Variants in SLX4IP observed in about 807,000 individuals in gnomAD.
The protein encoded by SLX4IP is SLX4 interacting protein, also known as protein SLX4IP.
In SLX4IP, 34 loss-of-function variants were observed where a neutral mutation model predicts 32.9. That is an observed-to-expected ratio of 1.03 (90% confidence interval 0.79 to 1.38). The LOEUF (loss-of-function observed/expected upper bound fraction) is 1.38. Among genes scored for constraint, SLX4IP ranks in the 40% most tolerant of loss-of-function variants. SLX4IP has a pLI of 0.00. For synonymous variants in SLX4IP, 172 were observed against 171.7 expected (o/e 1.00, Z -0.01); for missense variants, 444 against 479.0 (o/e 0.93, Z 0.68).
Position 10,623,102 on chromosome 20 carries a change from G to A in SLX4IP, c.950G>A (p.Arg317Gln), listed in dbSNP as rs6077853. 231,945 of 1,614,090 alleles carry A rather than the reference G, an allele frequency of 0.14. 18,477 individuals are homozygous for A. Among genetic ancestry groups the A allele is most frequent in the Non-Finnish European group, 0.16 (192,801 of 1,179,992 alleles). ...HHGRVSLGSD[R>Q]LVPREIIVEK... The stretch of plus-strand genomic sequence containing the variant: ...GGGAGAGTTTCTCTTGGAAGTGATC[G>A]ATTAGTCCCGAGAGAAATAATAGTG... Residue 317 changes from arginine to glutamine, a missense_variant, in exon 8 of 8, where the codon CGA becomes CAA. Coordinates refer to ENST00000334534, the MANE Select transcript of SLX4IP (RefSeq NM_001009608.3).
intron 2 of SLX4IP, among the ~76,000 whole-genome samples, chr20:10,536,978 T>C (rs938330647): frequency 3.3e-5 from 5 of 152,220 alleles, no homozygotes; most frequent in Admixed American, 6.5e-5. Context: ...CTAACACATG[T>C]GTGAATTTGC....
intron 1 of SLX4IP, among the ~76,000 whole-genome samples, chr20:10,454,334 C>T (rs1047626257): frequency 6.6e-6 from 1 of 152,142 alleles, no homozygotes; most frequent in Non-Finnish European, 1.5e-5. Flanking sequence ...TTAGGTTAGT[C>T]CAATTCTCTG....
intron 4 of SLX4IP, among the ~76,000 whole-genome samples, chr20:10,575,447 G>C (rs1256476893): frequency 6.6e-6 from 1 of 152,076 alleles, no homozygotes; most frequent in Non-Finnish European, 1.5e-5. Flanking sequence ...CCCCTACAAG[G>C]CTGTACTTTC....
rs193118823 is a variant in SLX4IP at position 10,601,930 on chromosome 20, A to T, written c.405+111A>T. The T allele has an allele frequency of 3.4e-6, 3 of 885,136 alleles. No individual in the cohort carries two copies. The African/African-American group carries it at 5.0e-5, about 15-fold the overall frequency. 54.8% of individuals were successfully genotyped at this position (885,136 alleles called of 1,614,324 possible). A position where few individuals can be genotyped will look rare whatever the true frequency, so the allele number is the denominator to read the frequency against. On this transcript the variant is annotated intron_variant, in intron 6 of 7. Coordinates refer to ENST00000334534, the MANE Select transcript of SLX4IP (RefSeq NM_001009608.3). ...TTGTCATTCAGCTGATGAGCACCCAACGCATGTTTTAAGGGAACAAGAAGC... is the reference window on the plus strand; with the variant it reads ...TTGTCATTCAGCTGATGAGCACCCATCGCATGTTTTAAGGGAACAAGAAGC...
Position 10,452,680 on chromosome 20 carries a change from A to AAAATAT in SLX4IP, c.-29-5495_-29-5494insAATATA, listed in dbSNP as rs1326662021. ...AAACTGTCTCAAAAAAAAAAAAAAA[A>AAAATAT]ATATATATATATATATGTAAATTAG... is the stretch of plus-strand genomic sequence containing the variant. On this transcript the variant is annotated intron_variant, in intron 1 of 7. Coordinates refer to ENST00000334534, the MANE Select transcript of SLX4IP (RefSeq NM_001009608.3). Among the ~76,000 whole-genome samples the AAAATAT allele has an allele frequency of 2.7e-5, 3 of 109,518 alleles. No individual in the cohort carries two copies. The Admixed American group carries it at 3.1e-4, about 11-fold the overall frequency. 71.8% of individuals were successfully genotyped at this position (109,518 alleles called of 152,430 possible).
intron 4 of SLX4IP, among the ~76,000 whole-genome samples, chr20:10,567,910 A>G (rs548887022): frequency 6.6e-6 from 1 of 152,224 alleles, no homozygotes; most frequent in Non-Finnish European, 1.5e-5. Flanking sequence ...CCCATTGGGC[A>G]GTGCCACTGA....
intron 4 of SLX4IP, among the ~76,000 whole-genome samples, chr20:10,590,461 A>G (rs2066696034): frequency 6.6e-6 from 1 of 151,912 alleles, no homozygotes; most frequent in Non-Finnish European, 1.5e-5. Context: ...CCCGGGTTCT[A>G]GCAATTCTCC....
At chr20:10,582,131 G>A (rs1281013297) in intron 4 of SLX4IP, among the ~76,000 whole-genome samples, 1 of 152,092 alleles carries the variant, frequency 6.6e-6, no homozygotes, top group Non-Finnish European at 1.5e-5. Flanking sequence ...CTAAATAAAA[G>A]GAAAGTGAAG....
chr20:10,498,471 G>A (rs2065688446), intron 2 of SLX4IP, among the ~76,000 whole-genome samples: 1 of 151,874 alleles, frequency 6.6e-6, no homozygotes, highest in East Asian at 1.9e-4. Flanking sequence ...CCAGTTCTGT[G>A]GTATCTACCC....
chr20:10,601,656 C>A, intron 5 of SLX4IP, 75 bp from the exon 6 acceptor site: 3 of 1,293,588 alleles, frequency 2.3e-6, no homozygotes, highest in Non-Finnish European at 3.3e-6. Flanking sequence ...TTAAAATGAA[C>A]AAAAATCTGG....
rs151046460 is a variant in SLX4IP, at chr20:10,460,320, C to T, written c.27+2089C>T. ...TTAAATCCACCTTAAAACTTAGTGGCTTGAAACACGAACCATTTTATAATC... is the reference window on the plus strand; with the variant it reads ...TTAAATCCACCTTAAAACTTAGTGGTTTGAAACACGAACCATTTTATAATC... On this transcript the variant is annotated intron_variant, in intron 2 of 7. Coordinates refer to ENST00000334534, the MANE Select transcript of SLX4IP (RefSeq NM_001009608.3). 2.6e-4 allele frequency among the ~76,000 whole-genome samples: 39 copies of T among 152,324 alleles called. No homozygotes were observed. The South Asian group carries it at 3.7e-3, about 15-fold the overall frequency.
At chr20:10,531,927 T>G (rs1252303824) in intron 2 of SLX4IP, among the ~76,000 whole-genome samples, 1 of 152,216 alleles carries the variant, frequency 6.6e-6, no homozygotes, top group African/African-American at 2.4e-5. Context: ...ATTCTCAGGA[T>G]AGTTTTCATT....
chr20:10,497,287 A>C (rs1005652961), intron 2 of SLX4IP, among the ~76,000 whole-genome samples: 3 of 152,156 alleles, frequency 2.0e-5, no homozygotes, highest in Admixed American at 2.0e-4. Flanking sequence ...TTTTCTGTGA[A>C]TATTTTGAAG....
chr20:10,601,851 G>A, intron 6 of SLX4IP, 32 bp downstream of exon 6: 1 of 1,568,566 alleles, frequency 6.4e-7, no homozygotes, highest in East Asian at 2.2e-5. Context: ...AAACAAATAA[G>A]TCTGCTTAAA....
At chr20:10,523,758 C>T (rs1192984055) in intron 2 of SLX4IP, among the ~76,000 whole-genome samples, 1 of 152,164 alleles carries the variant, frequency 6.6e-6, no homozygotes, top group Non-Finnish European at 1.5e-5. Flanking sequence ...GTGAGAAGCT[C>T]ATATTAAGCT....
At chr20:10,436,295 AAGTGT>A (rs2065113271) in intron 1 of SLX4IP, among the ~76,000 whole-genome samples, 3 of 152,272 alleles carry the variant, frequency 2.0e-5, no homozygotes, top group African/African-American at 4.8e-5. Context: ...CTTCCTCAAG[AAGTGT>A]ACCTTAAAGT....
intron 2 of SLX4IP, among the ~76,000 whole-genome samples, chr20:10,538,613 C>CTT (rs2066071051): frequency 6.6e-6 from 1 of 151,800 alleles, no homozygotes; most frequent in South Asian, 2.1e-4. Flanking sequence ...GCAACCTCTG[C>CTT]CTCCTGGGTT....
chr20:10,496,745 G>T (rs1043657685), intron 2 of SLX4IP, among the ~76,000 whole-genome samples: 6 of 152,132 alleles, frequency 3.9e-5, no homozygotes, highest in South Asian at 2.1e-4. Context: ...CACCCAAGGG[G>T]CTTTTGTTGT....
chr20:10,522,076 T>TC (rs1056813683), intron 2 of SLX4IP, among the ~76,000 whole-genome samples: 1 of 152,144 alleles, frequency 6.6e-6, no homozygotes, highest in Non-Finnish European at 1.5e-5. Context: ...TCTTCCTCAC[T>TC]CCCTTTCACC....
Sources: gnomAD v4.1 joint callset for allele counts (sites outside exome capture counted in the v4.1 genomes callset) on GRCh38, gnomAD v4.1.1 for gene constraint, MANE v1.5 for transcripts, NCBI Gene and HGNC (gene_info 2026-07-23, HGNC 2026-07-21) for gene names.